The following ME1 variants were observed in gnomAD, a reference collection of about 807,000 sequenced individuals.
The protein encoded by ME1 is malic enzyme 1, also known as NADP-dependent malic enzyme.
In ME1, 74 loss-of-function variants were observed where a neutral mutation model predicts 66.4. That is an observed-to-expected ratio of 1.11 (90% confidence interval 0.92 to 1.35). The LOEUF is 1.35. Ranked by LOEUF, ME1 falls within the 40% of genes most tolerant of loss-of-function variation. The probability of loss-of-function intolerance (pLI) is 0.00; values close to 1 mark genes in which losing one functional copy is unlikely to be tolerated. For synonymous variants in ME1, 251 were observed against 235.6 expected (o/e 1.07, Z -0.60); for missense variants, 750 against 694.1 (o/e 1.08, Z -0.90).
At chr6:83,334,141 T>C (rs962437967) in intron 5 of ME1, among the ~76,000 whole-genome samples, 4 of 152,040 alleles carry the variant, frequency 2.6e-5, no homozygotes, top group Admixed American at 1.3e-4. Context: ...GGTCGAGGCA[T>C]TGCCTCACCT....
intron 2 of ME1, among the ~76,000 whole-genome samples, chr6:83,402,621 A>G (rs1043134864): frequency 1.1e-4 from 16 of 152,174 alleles, no homozygotes; most frequent in African/African-American, 3.4e-4. Flanking sequence ...TGGAGGCGGG[A>G]AAGAGTATGT....
chr6:83,399,113 G>A (rs1257045257), intron 2 of ME1, among the ~76,000 whole-genome samples: 2 of 151,826 alleles, frequency 1.3e-5, no homozygotes, highest in African/African-American at 2.4e-5. Context: ...TCCTGCCTCA[G>A]CCTCCCAAGT....
intron 5 of ME1, among the ~76,000 whole-genome samples, chr6:83,333,239 A>C (rs1768451032): frequency 6.6e-6 from 1 of 152,212 alleles, no homozygotes; most frequent in African/African-American, 2.4e-5. Flanking sequence ...CTATATTTTT[A>C]TTATTAAGTG....
At chr6:83,364,884 C>A (rs761876961) in intron 3 of ME1, among the ~76,000 whole-genome samples, 1 of 152,038 alleles carries the variant, frequency 6.6e-6, no homozygotes, top group African/African-American at 2.4e-5. Flanking sequence ...TTGATCAGTC[C>A]TCCTGAATGA....
At chr6:83,281,522 C>T (rs1036162392) in intron 6 of ME1, among the ~76,000 whole-genome samples, 1 of 151,994 alleles carries the variant, frequency 6.6e-6, no homozygotes, top group Non-Finnish European at 1.5e-5. Context: ...ACACAAACTT[C>T]CGGCCAGGCA....
intron 11 of ME1, among the ~76,000 whole-genome samples, chr6:83,224,393 G>C (rs1220406371): frequency 6.6e-6 from 1 of 152,082 alleles, no homozygotes; most frequent in East Asian, 1.9e-4. Context: ...ATTGTAAAGA[G>C]TTATGTGGGC....
chr6:83,275,464 C>CTTTTT (rs767009219), intron 6 of ME1, among the ~76,000 whole-genome samples: 12 of 119,726 alleles, frequency 1.0e-4, no homozygotes, highest in Admixed American at 4.2e-4. Context: ...TAGTTTTGAT[C>CTTTTT]TTTTTTTTTT....
Position 83,353,434 on chromosome 6 carries a change from G to T in ME1, c.363-1295C>A, listed in dbSNP as rs117243957. 4.0e-3 allele frequency among the ~76,000 whole-genome samples: 610 copies of T among 152,150 alleles called. 15 individuals carry two copies. The highest frequency in any genetic ancestry group is 0.039 in the East Asian group (204 of 5,172). Reference sequence around the variant, plus strand: ...AAATTTCACCACATCTACTATTTGGGTATCCAAGGATACGGTTGATATAGA... The same window carrying T: ...AAATTTCACCACATCTACTATTTGGTTATCCAAGGATACGGTTGATATAGA... On this transcript the variant is annotated intron_variant, in intron 3 of 13. Coordinates refer to ENST00000369705, the MANE Select transcript of ME1 (RefSeq NM_002395.6).
chr6:83,230,953 A>T (rs988762036), intron 9 of ME1, among the ~76,000 whole-genome samples: 77 of 152,282 alleles, frequency 5.1e-4, no homozygotes, highest in Non-Finnish European at 7.9e-4. Flanking sequence ...AATAAAAAAA[A>T]GAAATGATTA....
chr6:83,343,886 C>A (rs1449302983), intron 5 of ME1, among the ~76,000 whole-genome samples: 1 of 151,986 alleles, frequency 6.6e-6, no homozygotes, highest in Non-Finnish European at 1.5e-5. Context: ...CTCATGAAAT[C>A]AATTCTTTCA....
intron 6 of ME1, among the ~76,000 whole-genome samples, chr6:83,293,828 CA>C (rs1767548077): frequency 6.6e-6 from 1 of 152,190 alleles, no homozygotes; most frequent in Admixed American, 6.5e-5. Context: ...ACAAATTCTC[CA>C]GAGTCACTTT....
intron 5 of ME1, among the ~76,000 whole-genome samples, chr6:83,329,426 T>G (rs752042507): frequency 2.0e-5 from 3 of 152,196 alleles, no homozygotes; most frequent in Non-Finnish European, 4.4e-5. Context: ...TACTCTGCTC[T>G]CCTAGAATGT....
intron 5 of ME1, among the ~76,000 whole-genome samples, chr6:83,345,753 T>C (rs534309373): frequency 1.3e-5 from 2 of 152,294 alleles, no homozygotes; most frequent in South Asian, 2.1e-4. Flanking sequence ...AAAGTCATGA[T>C]TGAGAAAAGT....
At position 83,342,884 on chromosome 6, in the gene ME1, A is replaced by G. The variant is rs6920619; in HGVS notation, c.600+3289T>C. Among the ~76,000 whole-genome samples, 879 of 152,018 alleles carry G rather than the reference A, an allele frequency of 5.8e-3. 8 individuals are homozygous for G. The highest frequency in any genetic ancestry group is 0.02 in the African/African-American group (839 of 41,466). On this transcript the variant is annotated intron_variant, in intron 5 of 13. Transcript: ENST00000369705. ...TATTTTTAGTATACGGGTTTTCTCT[A>G]TGTTGCTCAGGCTGGTCTCAAACTC...
chr6:83,417,373 G>T (rs532383914), intron 1 of ME1, among the ~76,000 whole-genome samples: 24 of 150,698 alleles, frequency 1.6e-4, no homozygotes, highest in East Asian at 3.9e-4. Context: ...GTTGTTTTTT[G>T]TTGTTGTTGT....
intron 6 of ME1, among the ~76,000 whole-genome samples, chr6:83,298,773 T>C (rs1019003919): frequency 2.6e-5 from 4 of 151,856 alleles, no homozygotes; most frequent in Non-Finnish European, 4.4e-5. Flanking sequence ...CAGTTTCAGT[T>C]TTCTGCATAT....
At chr6:83,334,120 G>C (rs541082798) in intron 5 of ME1, among the ~76,000 whole-genome samples, 1 of 152,134 alleles carries the variant, frequency 6.6e-6, no homozygotes, top group Non-Finnish European at 1.5e-5. Flanking sequence ...CACCGTGCGC[G>C]AGCCGAAGCA....
At chr6:83,258,899 A>T (rs1374141306) in intron 6 of ME1, among the ~76,000 whole-genome samples, 2 of 152,220 alleles carry the variant, frequency 1.3e-5, no homozygotes, top group Non-Finnish European at 2.9e-5. Flanking sequence ...GCATATTTAC[A>T]TCTGAAAATA....
chr6:83,355,308 C>T (rs1441368221), intron 3 of ME1, among the ~76,000 whole-genome samples: 1 of 152,082 alleles, frequency 6.6e-6, no homozygotes, highest in African/African-American at 2.4e-5. Context: ...ACATGCATAG[C>T]TTGCACAGTG....
Sources: allele counts gnomAD v4.1 joint callset (sites outside exome capture counted in the v4.1 genomes callset), GRCh38; gene constraint gnomAD v4.1.1; transcripts MANE v1.5; gene names NCBI Gene and HGNC (gene_info 2026-07-23, HGNC 2026-07-21).